AADACL2: variants seen among roughly 807,000 people sequenced by gnomAD.
AADACL2 encodes the protein arylacetamide deacetylase-like 2.
AADACL2 carries 23 observed loss-of-function variants against 22.3 expected under a neutral mutation model. The ratio of observed to expected loss-of-function variants is 1.03; its 90% CI spans 0.74 to 1.46. AADACL2 has a LOEUF of 1.46. Among genes scored for constraint, AADACL2 ranks in the 40% most tolerant of loss-of-function variants. The pLI is 0.00. For synonymous variants in AADACL2, 177 were observed against 166.2 expected (o/e 1.07, Z -0.50); for missense variants, 472 against 482.9 (o/e 0.98, Z 0.21).
intron 1 of AADACL2, 126 bp downstream of exon 1, chr3:151,734,299 GTAAAT>G (rs1713021811): frequency 9.2e-7 from 1 of 1,085,344 alleles, no homozygotes; most frequent in South Asian, 2.0e-5. Context: ...GCTTGTTTGA[GTAAAT>G]TAATTAAACA....
intron 4 of AADACL2, among the ~76,000 whole-genome samples, chr3:151,753,263 T>C (rs944423503): frequency 6.6e-6 from 1 of 152,194 alleles, no homozygotes; most frequent in Non-Finnish European, 1.5e-5. Context: ...GGTATCACTG[T>C]GAGTCCTGCA....
At chr3:151,740,890 A>T (rs1337289640) in intron 2 of AADACL2, 22 bp downstream of exon 2, 1 of 1,602,288 alleles carries the variant, frequency 6.2e-7, no homozygotes, top group South Asian at 1.1e-5. Flanking sequence ...GTATAAGGAA[A>T]AAGTGTAGCT....
At chr3:151,751,690 C>G (rs1465846708) in intron 4 of AADACL2, among the ~76,000 whole-genome samples, 1 of 151,348 alleles carries the variant, frequency 6.6e-6, no homozygotes. Context: ...TTCTAAAAAA[C>G]AAAAAAGAAA....
chr3:151,750,091 G>A (rs1441079324), intron 4 of AADACL2, among the ~76,000 whole-genome samples: 3 of 152,112 alleles, frequency 2.0e-5, no homozygotes, highest in Admixed American at 6.5e-5. Flanking sequence ...CTGTTGAGAT[G>A]TTCATGTAAG....
Position 151,734,514 on chromosome 3 carries a change from T to C in AADACL2, c.138+341T>C, listed in dbSNP as rs1187374782. 5.9e-5 allele frequency among the ~76,000 whole-genome samples: 9 copies of C among 152,314 alleles called. No individual in the cohort carries two copies. In the East Asian group the frequency reaches 1.7e-3, roughly 29 times the overall value. On this transcript the variant is annotated intron_variant, in intron 1 of 4. Transcript: ENST00000356517. ...ATTTGAACTTTCAGGGACAACCTAG[T>C]CCTGTAATTATCTTTTAGTTGTTTA...
At position 151,757,460 on chromosome 3, in the gene AADACL2, G is replaced by A; in HGVS notation, c.1072G>A (p.Gly358Arg). 6.2e-7 allele frequency: 1 copy of A among 1,613,534 alleles called. No individual in the cohort carries two copies. The highest frequency in any genetic ancestry group is 1.3e-5 in the African/African-American group (1 of 74,994). Reference protein sequence around the residue: ...LMYVTRLRNVGVQVVHEHIED... With the variant: ...LMYVTRLRNVRVQVVHEHIED... ...GTATGTTACAAGACTTCGAAATGTTGGAGTCCAAGTTGTTCATGAACATAT... is the reference window on the plus strand; with the variant it reads ...GTATGTTACAAGACTTCGAAATGTTAGAGTCCAAGTTGTTCATGAACATAT... Residue 358 changes from glycine to arginine, a missense_variant, in exon 5 of 5, where the codon GGA (glycine) becomes AGA (arginine). Around this residue, in one of 3 missense-constraint regions of AADACL2, gnomAD observed 113 missense variants for 100.9 expected, o/e 1.12. Coordinates refer to ENST00000356517, the MANE Select transcript of AADACL2 (RefSeq NM_207365.4).
At chr3:151,747,413 A>T (rs1381804777) in intron 4 of AADACL2, among the ~76,000 whole-genome samples, 1 of 151,910 alleles carries the variant, frequency 6.6e-6, no homozygotes, top group African/African-American at 2.4e-5. Flanking sequence ...ATCCCCTTTC[A>T]TCTATATCCC....
At chr3:151,744,006 C>T in intron 2 of AADACL2, 87 bp from the exon 3 acceptor site, 1 of 1,385,310 alleles carries the variant, frequency 7.2e-7, no homozygotes, top group Non-Finnish European at 1.0e-6. Flanking sequence ...ATTCACAAAC[C>T]ACAGTTATTT....
chr3:151,738,462 T>C (rs1222816866), intron 1 of AADACL2, among the ~76,000 whole-genome samples: 2 of 152,208 alleles, frequency 1.3e-5, no homozygotes, highest in Non-Finnish European at 2.9e-5. Context: ...AATCTGATGA[T>C]TATGTGTCAT....
chr3:151,759,652 G>A lies in AADACL2; in HGVS notation c.*2058G>A, dbSNP rs1714079448. On this transcript the variant is annotated 3_prime_UTR_variant, in exon 5 of 5. Transcript: ENST00000356517. ...TGTGGTAGAAATGTATGCTAAGGTA[G>A]GCCAGTCAATCCTTTTTTATTTATT... is the stretch of plus-strand genomic sequence containing the variant. 6.6e-6 allele frequency: 1 copy of A among 152,244 alleles called. No homozygotes were observed. The highest frequency in any genetic ancestry group is 1.9e-4 in the East Asian group (1 of 5,182). The allele number at this position is 152,244 out of a possible 1,614,324, so 9.4% of individuals were successfully genotyped here.
Position 151,734,142 on chromosome 3 carries a change from T to C in AADACL2, c.107T>C (p.Leu36Ser), listed in dbSNP as rs1174476127. The change falls in exon 1 of 5, where the codon TTG (leucine) becomes TCG (serine). Residue 36 changes from leucine (L) to serine (S), a missense_variant. Leu to Ser is a moderately radical substitution (Grantham distance 145). Around this residue, in one of 3 missense-constraint regions of AADACL2, gnomAD observed 356 missense variants for 365.5 expected, o/e 0.97. Transcript: ENST00000356517. ...NIEESWKIMA[L>S]DAIAKTCTFT... Reference sequence around the variant, plus strand: ...GAAGAAAGCTGGAAAATAATGGCCTTGGATGCCATCGCTAAAACTTGTACA... The same window carrying C: ...GAAGAAAGCTGGAAAATAATGGCCTCGGATGCCATCGCTAAAACTTGTACA... The C allele has an allele frequency of 9.3e-6, 15 of 1,613,516 alleles. No homozygotes were observed. The highest frequency in any genetic ancestry group is 1.2e-5 in the Non-Finnish European group (14 of 1,179,716).
Position 151,740,827 on chromosome 3 carries a change from T to C in AADACL2, c.320T>C (p.Val107Ala). ...KRKSETRRRA[V>A]IYFHGGGFCF... is the part of the protein sequence containing the mutation. ...AAGTCAGAAACCCGAAGGCGAGCTGTGATATATTTTCATGGTGGTGGTTTT... is the reference window on the plus strand; with the variant it reads ...AAGTCAGAAACCCGAAGGCGAGCTGCGATATATTTTCATGGTGGTGGTTTT... The change falls in exon 2 of 5, where the codon GTG becomes GCG. Residue 107 changes from valine to alanine, a missense_variant. Transcript: ENST00000356517. The C allele has an allele frequency of 6.2e-7, 1 of 1,614,004 alleles. No homozygotes were observed.
At chr3:151,735,226 G>T (rs973483782) in intron 1 of AADACL2, among the ~76,000 whole-genome samples, 10 of 152,096 alleles carry the variant, frequency 6.6e-5, no homozygotes, top group African/African-American at 2.4e-4. Context: ...AAAATACTAT[G>T]CTCCCTTTCT....
intron 2 of AADACL2, among the ~76,000 whole-genome samples, chr3:151,741,544 T>A (rs1008325953): frequency 6.6e-6 from 1 of 152,174 alleles, no homozygotes; most frequent in Non-Finnish European, 1.5e-5. Context: ...ATTTCTTTTA[T>A]GTATTTTTTA....
At chr3:151,744,853 T>C (rs781217755) in intron 3 of AADACL2, among the ~76,000 whole-genome samples, 10 of 152,152 alleles carry the variant, frequency 6.6e-5, no homozygotes, top group Non-Finnish European at 1.3e-4. Flanking sequence ...AATTGACTGC[T>C]AGATGTATTT....
rs184056039 is a variant in AADACL2, at chr3:151,737,425, G to T, written c.139-3221G>T. On this transcript the variant is annotated intron_variant, in intron 1 of 4. Transcript: ENST00000356517. ...AATAAGTGCTATATGGTGCTGAGAA[G>T]AATGTATATTCTGTTGATTTGTGGT... 2.0e-5 allele frequency among the ~76,000 whole-genome samples: 3 copies of T among 152,180 alleles called. No homozygotes were observed. In the East Asian group the frequency reaches 5.8e-4, roughly 29 times the overall value.
Position 151,757,762 on chromosome 3 carries a change from C to T in AADACL2, c.*168C>T, listed in dbSNP as rs1249805672. On this transcript the variant is annotated 3_prime_UTR_variant, in exon 5 of 5. Transcript: ENST00000356517. ...GTTATTAAATTTTCTGACTTGCAGA[C>T]CCTGAATATGTAAAATGTATGTAAT... 1.5e-6 allele frequency: 1 copy of T among 688,114 alleles called. No individual in the cohort carries two copies. Among genetic ancestry groups the T allele is most frequent in the Non-Finnish European group, 2.3e-6 (1 of 444,268 alleles). 42.6% of individuals were successfully genotyped at this position (688,114 alleles called of 1,614,324 possible).
At chr3:151,746,372 T>G (rs944813392) in intron 4 of AADACL2, among the ~76,000 whole-genome samples, 8 of 150,998 alleles carry the variant, frequency 5.3e-5, no homozygotes, top group African/African-American at 1.9e-4. Context: ...TTTGTTTTTT[T>G]TTTTTTTAGT....
In AADACL2 at chr3:151,760,282, T is replaced by C. The variant is rs1466609943; in HGVS notation, c.*2688T>C. ...AACGTTTTCAGTCTCTTTGTAGCTA[T>C]GTTATCCAGACATTGATTTGTATTT... is the stretch of plus-strand genomic sequence containing the variant. On this transcript the variant is annotated 3_prime_UTR_variant, in exon 5 of 5. Transcript: ENST00000356517. 1 of 152,158 alleles carries C rather than the reference T, an allele frequency of 6.6e-6. No homozygotes were observed. Among genetic ancestry groups the C allele is most frequent in the Non-Finnish European group, 1.5e-5 (1 of 68,016 alleles). 9.4% of individuals were successfully genotyped at this position (152,158 alleles called of 1,614,324 possible).
Sources: gnomAD v4.1 joint callset for allele counts (sites outside exome capture counted in the v4.1 genomes callset) on GRCh38, gnomAD v4.1.1 for gene constraint, gnomAD v4.1.1 regional missense constraint, MANE v1.5 for transcripts, NCBI Gene and HGNC (gene_info 2026-07-23, HGNC 2026-07-21) for gene names.